Variants in ZMYM1 observed in about 807,000 individuals in gnomAD.
ZMYM1 encodes zinc finger MYM-type protein 1.
A neutral mutation model predicts 60.0 loss-of-function variants in ZMYM1; 39 were observed. The observed-to-expected ratio is 0.65, with a 90% CI of 0.50 to 0.85. ZMYM1 has a LOEUF of 0.85. Among genes scored for constraint, ZMYM1 ranks in the 40% least tolerant of loss-of-function variants. The pLI, the probability that ZMYM1 is intolerant of heterozygous loss-of-function variation, is 0.00. For missense variants in ZMYM1, 1,171 were observed against 1,309.5 expected, an observed-to-expected ratio of 0.89 and a Z score of 1.63; for synonymous variants, 413 against 454.0, an observed-to-expected ratio of 0.91 and a Z score of 1.15.
At chr1:35,060,440 G>A (rs971983268) in intron 1 of ZMYM1, among the ~76,000 whole-genome samples, 10 of 152,138 alleles carry the variant, frequency 6.6e-5, no homozygotes, top group Admixed American at 2.0e-4. Context: ...GATTACAGGC[G>A]TGAGCCACCG....
At chr1:35,096,400 G>C (rs2148520358) in intron 3 of ZMYM1, among the ~76,000 whole-genome samples, 1 of 152,072 alleles carries the variant, frequency 6.6e-6, no homozygotes, top group South Asian at 2.1e-4. Context: ...CAAGGTGGAA[G>C]GATCAGCTTG....
intron 1 of ZMYM1, among the ~76,000 whole-genome samples, chr1:35,087,554 A>G (rs1642725973): frequency 6.6e-6 from 1 of 151,716 alleles, no homozygotes. Flanking sequence ...AGCCTCCCAA[A>G]TAACTGGGAT....
rs34201002 is a variant in ZMYM1 at position 35,115,694 on chromosome 1, GT to G, written c.*438del. On this transcript the variant is annotated 3_prime_UTR_variant, in exon 10 of 10. Coordinates refer to ENST00000359858, the MANE Select transcript of ZMYM1 (RefSeq NM_024772.5). ...TATAGGTCACATTGCACATGAGTGA[GT>G]TTACTGTAAGCTGGAAATCTAAAGT... 132,866 of 152,432 alleles carry G rather than the reference GT, an allele frequency of 0.87. 58,227 individuals carry two copies. Among genetic ancestry groups the G allele is most frequent in the Non-Finnish European group, 0.93 (63,341 of 68,228 alleles). The allele number at this position is 152,432 out of a possible 1,614,324, so 9.4% of individuals were successfully genotyped here. A position where few individuals can be genotyped will look rare whatever the true frequency, so the allele number is the denominator to read the frequency against.
intron 1 of ZMYM1, among the ~76,000 whole-genome samples, chr1:35,090,833 C>G (rs1477295386): frequency 2.0e-5 from 3 of 152,046 alleles, no homozygotes; most frequent in Non-Finnish European, 2.9e-5. Flanking sequence ...GTAATCCCAG[C>G]TACTCGGGAG....
In ZMYM1 at chr1:35,095,876, G is replaced by T; in HGVS notation, c.154G>T (p.Val52Leu). ...TQENELKINAVFSESASQLTA... is the reference protein window; with the variant it reads ...TQENELKINALFSESASQLTA... The stretch of plus-strand genomic sequence containing the variant: ...GGAGAATGAACTGAAAATAAATGCT[G>T]TGTTTTCAGAGAGTGGTAATAGAAT... Residue 52 changes from valine to leucine, a missense_variant, in exon 3 of 10, where the codon GTG becomes TTG. Coordinates refer to ENST00000359858, the MANE Select transcript of ZMYM1 (RefSeq NM_024772.5). The T allele has an allele frequency of 1.2e-6, 2 of 1,608,130 alleles. No individual in the cohort carries two copies. The highest frequency in any genetic ancestry group is 1.7e-6 in the Non-Finnish European group (2 of 1,175,844).
chr1:35,066,134 G>T lies in ZMYM1; in HGVS notation c.-301+6209G>T, dbSNP rs1333221922. On this transcript the variant is annotated intron_variant, in intron 1 of 10. Coordinates refer to the ZMYM1 transcript ENST00000417119. ...ACAACTAATAAATATGTTTAGTAAG[G>T]TTGCAAGGTTAACACACAAAAACCA... Among the ~76,000 whole-genome samples, 8 of 152,256 alleles carry T rather than the reference G, an allele frequency of 5.3e-5. 1 individual carries two copies. The South Asian group carries it at 1.7e-3, about 32-fold the overall frequency.
intron 4 of ZMYM1, chr1:35,097,790 A>G (rs1323166684): frequency 3.8e-6 from 2 of 521,190 alleles, no homozygotes; most frequent in African/African-American, 1.9e-5. Flanking sequence ...GATTACAGCC[A>G]TGCACCACCA....
intron 1 of ZMYM1, among the ~76,000 whole-genome samples, chr1:35,090,451 G>C (rs951618708): frequency 6.6e-6 from 1 of 151,998 alleles, no homozygotes; most frequent in African/African-American, 2.4e-5. Context: ...CAGGTTGATG[G>C]GTGCAGCAAA....
chr1:35,101,195 G>A (rs1031171226), intron 4 of ZMYM1, among the ~76,000 whole-genome samples: 11 of 142,528 alleles, frequency 7.7e-5, no homozygotes, highest in African/African-American at 2.4e-4. Context: ...TGCAACCTCC[G>A]CCTCCCAGGT....
Position 35,114,006 on chromosome 1 carries a change from T to C in ZMYM1, c.2176T>C (p.Phe726Leu), listed in dbSNP as rs904524572. The change falls in exon 10 of 10, where the codon TTT (phenylalanine) becomes CTT (leucine). Residue 726 changes from phenylalanine (F) to leucine (L), a missense_variant. Phe to Leu is a conservative substitution (Grantham distance 22). Coordinates refer to ENST00000359858, the MANE Select transcript of ZMYM1 (RefSeq NM_024772.5). The stretch of plus-strand genomic sequence containing the variant: ...TAGCACCACTAATTTGAAGATAAAA[T>C]TTAATAAAATAGCAGCAGAATTCAA... Reference protein sequence around the residue: ...YDSTTNLKIKFNKIAAEFKKE... With the variant: ...YDSTTNLKIKLNKIAAEFKKE... 2 of 1,606,534 alleles carry C rather than the reference T, an allele frequency of 1.2e-6. No homozygotes were observed. The highest frequency in any genetic ancestry group is 1.7e-6 in the Non-Finnish European group (2 of 1,178,246).
chr1:35,117,674 C>T (rs913688773), downstream of ZMYM1, among the ~76,000 whole-genome samples: 6 of 152,060 alleles, frequency 3.9e-5, no homozygotes, highest in Non-Finnish European at 8.8e-5. Context: ...GGCGCAGTGG[C>T]TCACACTTGT....
chr1:35,072,413 T>C (rs945594473), intron 1 of ZMYM1, among the ~76,000 whole-genome samples: 1 of 152,162 alleles, frequency 6.6e-6, no homozygotes, highest in Non-Finnish European at 1.5e-5. Context: ...TTCTTTTTCA[T>C]CTGTCATTTT....
At chr1:35,072,411 C>T (rs1642083250) in intron 1 of ZMYM1, among the ~76,000 whole-genome samples, 2 of 152,002 alleles carry the variant, frequency 1.3e-5, no homozygotes, top group African/African-American at 4.8e-5. Context: ...TCTTCTTTTT[C>T]ATCTGTCATT....
intron 2 of ZMYM1, among the ~76,000 whole-genome samples, chr1:35,094,523 G>C (rs796954336): frequency 4.6e-5 from 7 of 152,252 alleles, no homozygotes; most frequent in African/African-American, 1.7e-4. Context: ...GACTTGAACT[G>C]TGAGTATTGT....
intron 4 of ZMYM1, among the ~76,000 whole-genome samples, chr1:35,100,143 G>A (rs560798900): frequency 4.6e-5 from 7 of 151,906 alleles, no homozygotes; most frequent in African/African-American, 1.7e-4. Context: ...TGCTTTCCTC[G>A]GCCTCCCAAA....
intron 1 of ZMYM1, among the ~76,000 whole-genome samples, chr1:35,083,863 C>G (rs1159637363): frequency 1.3e-5 from 2 of 152,188 alleles, no homozygotes; most frequent in African/African-American, 4.8e-5. Context: ...GCTCAAACTC[C>G]TGCCTTGGCT....
At chr1:35,076,546 A>C (rs1235527254), upstream of ZMYM1, among the ~76,000 whole-genome samples, 5 of 152,060 alleles carry the variant, frequency 3.3e-5, no homozygotes, top group Non-Finnish European at 5.9e-5. Flanking sequence ...ACTTGAACCA[A>C]GGAGGTGAAG....
downstream of ZMYM1, among the ~76,000 whole-genome samples, chr1:35,118,398 C>T (rs1186764397): frequency 6.6e-6 from 1 of 152,134 alleles, no homozygotes; most frequent in Non-Finnish European, 1.5e-5. Context: ...CATTTTCTAG[C>T]TGTTTTTAGT....
intron 1 of ZMYM1, among the ~76,000 whole-genome samples, chr1:35,092,591 C>A (rs1291941914): frequency 4.7e-5 from 7 of 150,034 alleles, no homozygotes; most frequent in Non-Finnish European, 8.9e-5. Context: ...TCTTTTCTTT[C>A]TTTCCTACCT....
Sources: allele counts gnomAD v4.1 joint callset (sites outside exome capture counted in the v4.1 genomes callset), GRCh38; gene constraint gnomAD v4.1.1; transcripts MANE v1.5; gene names NCBI Gene and HGNC (gene_info 2026-07-23, HGNC 2026-07-21).